The following MCPH1 variants were observed in gnomAD, a reference collection of about 807,000 sequenced individuals.
The protein encoded by MCPH1 is microcephalin 1.
MCPH1 carries 104 observed loss-of-function variants against 84.5 expected under a neutral mutation model. That is an observed-to-expected ratio of 1.23 (90% CI 1.05 to 1.45). The LOEUF is 1.45. Ranked by LOEUF, MCPH1 falls within the 40% of genes most tolerant of loss-of-function variation. The pLI, the probability that MCPH1 is intolerant of heterozygous loss-of-function variation, is 0.00. For missense variants in MCPH1, 1,498 were observed against 1,005.7 expected (o/e 1.49, Z -6.62); for synonymous variants, 514 against 366.8 (o/e 1.40, Z -4.58).
intron 12 of MCPH1, among the ~76,000 whole-genome samples, chr8:6,597,207 G>C (rs1228653417): frequency 6.6e-6 from 1 of 152,194 alleles, no homozygotes; most frequent in Non-Finnish European, 1.5e-5. Context: ...ATGAGCCTCA[G>C]TCCTGTGTGG....
intron 3 of MCPH1, among the ~76,000 whole-genome samples, chr8:6,428,483 C>G (rs971546757): frequency 6.6e-6 from 1 of 152,202 alleles, no homozygotes; most frequent in Non-Finnish European, 1.5e-5. Flanking sequence ...ATTTTCGTCA[C>G]CTCAAAATGA....
At chr8:6,612,786 C>T (rs1247709545) in intron 12 of MCPH1, among the ~76,000 whole-genome samples, 17 of 152,244 alleles carry the variant, frequency 1.1e-4, no homozygotes. Context: ...GAGAAGAGGA[C>T]TGAGAACCGC....
intron 9 of MCPH1, chr8:6,474,278 C>T: frequency 1.9e-6 from 1 of 534,476 alleles, no homozygotes. Context: ...GTATTTCAAT[C>T]CTGATTTTGA....
At chr8:6,598,060 C>A (rs756150626) in intron 12 of MCPH1, among the ~76,000 whole-genome samples, 1 of 152,160 alleles carries the variant, frequency 6.6e-6, no homozygotes, top group Non-Finnish European at 1.5e-5. Context: ...CGGGCCTTCA[C>A]GTATTTAGTT....
chr8:6,464,266 G>A (rs78893015), intron 9 of MCPH1, among the ~76,000 whole-genome samples: 44 of 152,148 alleles, frequency 2.9e-4, no homozygotes, highest in Non-Finnish European at 5.4e-4. Flanking sequence ...TGGCAGTGGC[G>A]GGGATGTGCT....
intron 13 of MCPH1, among the ~76,000 whole-genome samples, chr8:6,638,945 C>A (rs984756968): frequency 5.3e-5 from 8 of 152,184 alleles, no homozygotes; most frequent in African/African-American, 1.9e-4. Flanking sequence ...CAGTCACAGC[C>A]CCATGCGCAC....
chr8:6,513,377 G>A (rs1815570130), intron 12 of MCPH1, among the ~76,000 whole-genome samples: 1 of 148,240 alleles, frequency 6.7e-6, no homozygotes, highest in Non-Finnish European at 1.5e-5. Flanking sequence ...CTGTCGCCCA[G>A]GTTGCAGTGC....
chr8:6,408,316 C>G (rs1307037364), intron 1 of MCPH1, among the ~76,000 whole-genome samples: 3 of 151,300 alleles, frequency 2.0e-5, no homozygotes. Flanking sequence ...TCAAGCAATT[C>G]TGCTTCAGCC....
At chr8:6,425,002 C>T (rs764649147) in intron 3 of MCPH1, among the ~76,000 whole-genome samples, 2 of 152,212 alleles carry the variant, frequency 1.3e-5, no homozygotes, top group Non-Finnish European at 2.9e-5. Context: ...GAATAAGATA[C>T]TGGTGCTGGG....
Position 6,519,508 on chromosome 8 carries a change from G to T in MCPH1, c.2214+19579G>T, listed in dbSNP as rs79164917. ...CCTCTATGGCTGATGCACTATGGTT[G>T]TTCAACCTTCAGTTTTTGGAAGATA... On this transcript the variant is annotated intron_variant, in intron 12 of 13. Transcript: ENST00000344683. Among the ~76,000 whole-genome samples, 880 of 152,310 alleles carry T rather than the reference G, an allele frequency of 5.8e-3. 7 individuals are homozygous for T. Among genetic ancestry groups the T allele is most frequent in the African/African-American group, 0.02 (839 of 41,568 alleles).
chr8:6,639,040 T>G (rs567354419), intron 13 of MCPH1, among the ~76,000 whole-genome samples: 2 of 152,264 alleles, frequency 1.3e-5, no homozygotes, highest in African/African-American at 2.4e-5. Context: ...GGTACAGACT[T>G]TGTTGTGAGG....
intron 5 of MCPH1, among the ~76,000 whole-genome samples, chr8:6,436,752 G>C (rs1268547128): frequency 1.3e-5 from 2 of 151,646 alleles, no homozygotes; most frequent in Non-Finnish European, 2.9e-5. Context: ...GGCGGATCAC[G>C]AGGTCAGGAG....
intron 9 of MCPH1, among the ~76,000 whole-genome samples, chr8:6,460,618 T>A (rs1358366936): frequency 2.6e-5 from 4 of 152,208 alleles, no homozygotes. Flanking sequence ...TAACTCCCTT[T>A]TCTGGCTCCC....
intron 12 of MCPH1, chr8:6,514,903 C>T (rs1021942318): frequency 1.4e-6 from 1 of 717,376 alleles, no homozygotes; most frequent in Non-Finnish European, 2.4e-6. Context: ...GGATATAAGG[C>T]ACGGAGTAGA....
intron 12 of MCPH1, among the ~76,000 whole-genome samples, chr8:6,544,590 G>T (rs867838658): frequency 6.6e-6 from 1 of 151,976 alleles, no homozygotes; most frequent in African/African-American, 2.4e-5. Flanking sequence ...ATGTATTGGA[G>T]GGGGAGAGGG....
At chr8:6,488,796 A>T (rs1810239379) in intron 11 of MCPH1, among the ~76,000 whole-genome samples, 1 of 152,132 alleles carries the variant, frequency 6.6e-6, no homozygotes, top group African/African-American at 2.4e-5. Context: ...CTCTCAGCAA[A>T]GAATGGATTG....
At chr8:6,477,411 G>C (rs1198699707) in intron 9 of MCPH1, 183 bp from the exon 10 acceptor site, 6 of 598,582 alleles carry the variant, frequency 1.0e-5, no homozygotes, top group Admixed American at 6.0e-5. Context: ...GACAGTATCT[G>C]AGTTTCTATC....
intron 10 of MCPH1, among the ~76,000 whole-genome samples, chr8:6,479,097 T>C (rs936512211): frequency 2.0e-5 from 3 of 152,142 alleles, no homozygotes; most frequent in African/African-American, 7.2e-5. Flanking sequence ...AAACCTTGTG[T>C]CTACAAAAAA....
intron 12 of MCPH1, among the ~76,000 whole-genome samples, chr8:6,509,601 T>A (rs1447595816): frequency 6.6e-6 from 1 of 152,218 alleles, no homozygotes; most frequent in Non-Finnish European, 1.5e-5. Context: ...GTAATGTAAT[T>A]AAACTTTTAG....
Sources: gnomAD v4.1 joint callset for allele counts (sites outside exome capture counted in the v4.1 genomes callset) on GRCh38, gnomAD v4.1.1 for gene constraint, MANE v1.5 for transcripts, NCBI Gene and HGNC (gene_info 2026-07-23, HGNC 2026-07-21) for gene names.